The following CTNNA2 variants were observed in gnomAD, a reference collection of about 807,000 sequenced individuals.
CTNNA2 encodes the protein catenin alpha 2.
A neutral mutation model predicts 101.0 loss-of-function variants in CTNNA2; 42 were observed. The observed-to-expected ratio is 0.42, with a 90% confidence interval of 0.32 to 0.54. The LOEUF (loss-of-function observed/expected upper bound fraction) is 0.54, where lower values mean the gene tolerates loss of function less well. CTNNA2 is among the 20% of genes least tolerant of loss of function. CTNNA2 has a pLI of 0.14. For missense variants in CTNNA2, 871 were observed against 1,223.1 expected, an observed-to-expected ratio of 0.71 and a Z score of 4.29; for synonymous variants, 450 against 456.4, an observed-to-expected ratio of 0.99 and a Z score of 0.18.
intron 6 of CTNNA2, among the ~76,000 whole-genome samples, chr2:79,903,907 C>A (rs988047570): frequency 9.2e-5 from 14 of 152,174 alleles, no homozygotes; most frequent in African/African-American, 2.4e-4. Context: ...ACTACAGGTG[C>A]AGCAGATGGA....
At chr2:80,549,636 A>G (rs1192904488) in intron 11 of CTNNA2, among the ~76,000 whole-genome samples, 1 of 152,168 alleles carries the variant, frequency 6.6e-6, no homozygotes, top group Non-Finnish European at 1.5e-5. Flanking sequence ...TCTCTAGGAT[A>G]CTTTTGCCTT....
At chr2:79,645,297 T>G (rs557501958) in intron 1 of CTNNA2, among the ~76,000 whole-genome samples, 1 of 152,288 alleles carries the variant, frequency 6.6e-6, no homozygotes, top group Non-Finnish European at 1.5e-5. Context: ...GAGGTTCAAC[T>G]TTGATGACCA....
intron 1 of CTNNA2, among the ~76,000 whole-genome samples, chr2:79,586,034 T>A (rs1461763774): frequency 6.6e-6 from 1 of 152,160 alleles, no homozygotes. Context: ...CCTAAAACTC[T>A]GTGAAGAACA....
chr2:79,937,104 A>G lies in CTNNA2; in HGVS notation c.1056+27307A>G, dbSNP rs556310029. Among the ~76,000 whole-genome samples, 3 of 152,342 alleles carry G rather than the reference A, an allele frequency of 2.0e-5. No individual in the cohort carries two copies. The South Asian group carries it at 6.2e-4, about 32-fold the overall frequency. ...TCTTCCCAATGGAAAACAAATATTC[A>G]TAAAAATTACATAGAGGTTTCTTAT... On this transcript the variant is annotated intron_variant, in intron 7 of 18. Transcript: ENST00000402739.
chr2:79,501,891 GACCCTGAACCCTCAA>G (rs1671323762), intron 4 of CTNNA2, among the ~76,000 whole-genome samples: 1 of 151,652 alleles, frequency 6.6e-6, no homozygotes, highest in Admixed American at 6.6e-5. Context: ...TGAATCCGAC[GACCCTGAACCCTCAA>G]ATCTCATTGA....
At position 80,006,941 on chromosome 2, in the gene CTNNA2, A is replaced by T. The variant is rs190849829; in HGVS notation, c.1056+97144A>T. On this transcript the variant is annotated intron_variant, in intron 7 of 18. Coordinates refer to ENST00000402739, the MANE Select transcript of CTNNA2 (RefSeq NM_001282597.3). ...TGCCTATGAAATCTTACCGTTCTTG[A>T]GTCCTATTTCATCAGCATCATACTG... Among the ~76,000 whole-genome samples the T allele has an allele frequency of 3.0e-3, 458 of 152,250 alleles. 2 individuals carry two copies. Among genetic ancestry groups the T allele is most frequent in the African/African-American group, 0.01 (426 of 41,552 alleles).
chr2:79,523,029 T>C (rs1162706556), intron 1 of CTNNA2, among the ~76,000 whole-genome samples: 1 of 152,162 alleles, frequency 6.6e-6, no homozygotes, highest in Non-Finnish European at 1.5e-5. Flanking sequence ...CTGAGTTATA[T>C]AGTGAGGGTG....
intron 7 of CTNNA2, among the ~76,000 whole-genome samples, chr2:79,930,325 AAAGAAAGAAAG>A (rs1687344268): frequency 6.8e-6 from 1 of 146,076 alleles, no homozygotes; most frequent in Non-Finnish European, 1.5e-5. Context: ...AGAAAGAAAG[AAAGAAAGAAAG>A]AAAGAAAGAA....
At chr2:80,217,685 T>G (rs1311061539) in intron 7 of CTNNA2, among the ~76,000 whole-genome samples, 1 of 152,252 alleles carries the variant, frequency 6.6e-6, no homozygotes, top group Non-Finnish European at 1.5e-5. Flanking sequence ...ATTTTCATTT[T>G]ATAAAAACTG....
At chr2:79,262,644 G>A (rs532122783) in intron 2 of CTNNA2, among the ~76,000 whole-genome samples, 25 of 152,186 alleles carry the variant, frequency 1.6e-4, no homozygotes, top group African/African-American at 4.1e-4. Flanking sequence ...TTTAAAATGC[G>A]AATTCTCAGG....
At chr2:79,596,417 G>A (rs982334916) in intron 1 of CTNNA2, among the ~76,000 whole-genome samples, 3 of 152,074 alleles carry the variant, frequency 2.0e-5, no homozygotes, top group African/African-American at 7.2e-5. Context: ...AAGAGAAAAG[G>A]AAGAAACCAT....
intron 2 of CTNNA2, among the ~76,000 whole-genome samples, chr2:79,699,743 C>G (rs1438102883): frequency 7.0e-6 from 1 of 142,814 alleles, no homozygotes; most frequent in Non-Finnish European, 1.5e-5. Context: ...ATGCTAAAAG[C>G]CGGGAAATAT....
chr2:80,275,782 G>C lies in CTNNA2; in HGVS notation c.1057-117429G>C, dbSNP rs149476500. 5.7e-3 allele frequency among the ~76,000 whole-genome samples: 868 copies of C among 152,244 alleles called. 5 individuals carry two copies. The highest frequency in any genetic ancestry group is 8.3e-3 in the Non-Finnish European group (561 of 68,000). ...GAAAAATAATCTAAATTGTAGTTTA[G>C]CACTCAAGCAAAACTAATTGCTTAA... is the stretch of plus-strand genomic sequence containing the variant. On this transcript the variant is annotated intron_variant, in intron 7 of 18. Coordinates refer to ENST00000402739, the MANE Select transcript of CTNNA2 (RefSeq NM_001282597.3).
intron 1 of CTNNA2, among the ~76,000 whole-genome samples, chr2:79,594,950 T>C (rs191664392): frequency 2.0e-5 from 3 of 152,198 alleles, no homozygotes; most frequent in African/African-American, 4.8e-5. Context: ...TTTTTTTCTC[T>C]TATATAGATT....
At chr2:79,293,197 A>G (rs1675873324) in intron 2 of CTNNA2, 1 of 152,118 alleles carries the variant, frequency 6.6e-6, no homozygotes, top group Admixed American at 6.5e-5. Flanking sequence ...GTGGCCATCG[A>G]TGACATCAAT....
chr2:79,449,234 T>C (rs919681957), intron 4 of CTNNA2, among the ~76,000 whole-genome samples: 10 of 152,046 alleles, frequency 6.6e-5, no homozygotes, highest in African/African-American at 9.7e-5. Context: ...GATCATTTTT[T>C]CCCATTTCAG....
chr2:80,467,722 G>A (rs1177119016), intron 9 of CTNNA2, among the ~76,000 whole-genome samples: 2 of 152,080 alleles, frequency 1.3e-5, no homozygotes, highest in Non-Finnish European at 2.9e-5. Flanking sequence ...TTAATAATAT[G>A]GGGGCTTTTG....
At chr2:80,055,155 T>G (rs1274892957) in intron 7 of CTNNA2, among the ~76,000 whole-genome samples, 2 of 152,026 alleles carry the variant, frequency 1.3e-5, no homozygotes, top group East Asian at 3.9e-4. Context: ...ACCTCTCAAA[T>G]AGCTGCGACT....
chr2:79,621,157 C>G (rs1678972859), intron 1 of CTNNA2, among the ~76,000 whole-genome samples: 1 of 152,100 alleles, frequency 6.6e-6, no homozygotes, highest in Admixed American at 6.6e-5. Context: ...TAGTTTCACC[C>G]CATTTTCGTA....
Sources: allele counts gnomAD v4.1 joint callset (sites outside exome capture counted in the v4.1 genomes callset), GRCh38; gene constraint gnomAD v4.1.1; transcripts MANE v1.5; gene names NCBI Gene and HGNC (gene_info 2026-07-23, HGNC 2026-07-21).